Variants in RBFOX1 observed in about 807,000 individuals in gnomAD.
RBFOX1 encodes the protein RNA binding fox-1 homolog 1, also known as RNA binding protein fox-1 homolog 1.
A neutral mutation model predicts 57.7 loss-of-function variants in RBFOX1; 8 were observed. The ratio of observed to expected loss-of-function variants is 0.14; its 90% CI spans 0.08 to 0.25. The LOEUF is 0.25. Ranked by LOEUF, RBFOX1 falls within the 10% of genes least tolerant of loss-of-function variation. RBFOX1 has a pLI of 1.00. For synonymous variants in RBFOX1, 326 were observed against 222.4 expected (o/e 1.47, Z -4.15); for missense variants, 611 against 548.5 (o/e 1.11, Z -1.14).
intron 2 of RBFOX1, among the ~76,000 whole-genome samples, chr16:6,449,163 G>A (rs964799245): frequency 6.6e-6 from 1 of 152,168 alleles, no homozygotes; most frequent in African/African-American, 2.4e-5. Flanking sequence ...AGAGAGGAAT[G>A]GAGACTTTGG....
intron 3 of RBFOX1, among the ~76,000 whole-genome samples, chr16:5,758,064 C>G (rs1442443708): frequency 6.6e-6 from 1 of 152,100 alleles, no homozygotes; most frequent in Non-Finnish European, 1.5e-5. Flanking sequence ...CTGACGGGAC[C>G]CAAGTTGGGT....
At chr16:7,543,732 ATATT>A (rs1274502658) in intron 5 of RBFOX1, among the ~76,000 whole-genome samples, 1 of 145,998 alleles carries the variant, frequency 6.8e-6, no homozygotes, top group East Asian at 2.0e-4. Context: ...TATTTTTTAT[ATATT>A]TATTTTTTTC....
chr16:6,036,359 G>T lies in RBFOX1; in HGVS notation c.-127+16367G>T, dbSNP rs535088329. ...TCAGAGTTGAAAATGCTTTTAGGTG[G>T]CATCATAGAACCATCCATTCTAGCA... On this transcript the variant is annotated intron_variant, in intron 1 of 15. Transcript: ENST00000550418. Among the ~76,000 whole-genome samples, 29 of 152,158 alleles carry T rather than the reference G, an allele frequency of 1.9e-4. 2 individuals carry two copies. In the South Asian group the frequency reaches 5.8e-3, roughly 30 times the overall value.
intron 1 of RBFOX1, among the ~76,000 whole-genome samples, chr16:6,219,615 T>C (rs1313935225): frequency 1.3e-5 from 2 of 150,930 alleles, no homozygotes; most frequent in Admixed American, 1.3e-4. Context: ...TGGCTCATGC[T>C]TGTAATCCCA....
chr16:7,330,658 C>G (rs1291838111), intron 4 of RBFOX1, among the ~76,000 whole-genome samples: 1 of 151,932 alleles, frequency 6.6e-6, no homozygotes, highest in Non-Finnish European at 1.5e-5. Context: ...ATATAGTTAC[C>G]TCTCTTCTAT....
intron 3 of RBFOX1, among the ~76,000 whole-genome samples, chr16:5,614,670 A>AT (rs1307507731): frequency 6.6e-6 from 1 of 152,110 alleles, no homozygotes; most frequent in Admixed American, 6.5e-5. Flanking sequence ...AGTTGTCAAC[A>AT]TTCCACCCCT....
chr16:5,789,170 C>T (rs1319284860), intron 3 of RBFOX1, among the ~76,000 whole-genome samples: 1 of 152,168 alleles, frequency 6.6e-6, no homozygotes, highest in Non-Finnish European at 1.5e-5. Flanking sequence ...TAATTAAATA[C>T]ATGGCAGCTG....
At chr16:7,247,346 C>T (rs1327676531) in intron 4 of RBFOX1, among the ~76,000 whole-genome samples, 1 of 152,168 alleles carries the variant, frequency 6.6e-6, no homozygotes, top group African/African-American at 2.4e-5. Flanking sequence ...GGGACACTCA[C>T]AGCCAACGGG....
At chr16:7,176,734 C>T (rs1265613268) in intron 4 of RBFOX1, among the ~76,000 whole-genome samples, 1 of 151,990 alleles carries the variant, frequency 6.6e-6, no homozygotes, top group South Asian at 2.1e-4. Context: ...GGTGATATTC[C>T]TACTTTTATT....
At chr16:6,563,270 T>G (rs2097208853) in intron 2 of RBFOX1, among the ~76,000 whole-genome samples, 5 of 152,186 alleles carry the variant, frequency 3.3e-5, no homozygotes, top group Admixed American at 3.3e-4. Context: ...AGAAGCATTG[T>G]CTGTTGACAT....
chr16:6,654,546 C>G (rs1200592913), intron 2 of RBFOX1, 57 bp from the exon 3 acceptor site: 17 of 1,356,106 alleles, frequency 1.3e-5, no homozygotes, highest in Non-Finnish European at 1.7e-5. Flanking sequence ...TGTTCTCTGA[C>G]CATAAGTCTG....
At chr16:7,654,051 C>T in intron 12 of RBFOX1, 104 bp downstream of exon 12, 2 of 1,256,194 alleles carry the variant, frequency 1.6e-6, no homozygotes, top group African/African-American at 1.5e-5. Context: ...CCCCCTCCGC[C>T]ACCCCCAGAA....
At chr16:6,229,463 C>T (rs898260219) in intron 1 of RBFOX1, among the ~76,000 whole-genome samples, 4 of 152,040 alleles carry the variant, frequency 2.6e-5, no homozygotes, top group Non-Finnish European at 4.4e-5. Flanking sequence ...AATCAAGAAC[C>T]GGCAAAGCCC....
At chr16:6,925,678 A>G (rs186096889) in intron 3 of RBFOX1, among the ~76,000 whole-genome samples, 9 of 152,188 alleles carry the variant, frequency 5.9e-5, no homozygotes, top group Non-Finnish European at 1.2e-4. Context: ...ATGCGTTAAC[A>G]GCTTGATATT....
chr16:5,760,070 A>G (rs1322591979), intron 3 of RBFOX1, among the ~76,000 whole-genome samples: 3 of 152,142 alleles, frequency 2.0e-5, no homozygotes, highest in East Asian at 3.9e-4. Flanking sequence ...GATCTAGTAA[A>G]TAGCAGGAAA....
intron 4 of RBFOX1, among the ~76,000 whole-genome samples, chr16:5,873,506 C>T (rs1305657007): frequency 6.6e-6 from 1 of 152,182 alleles, no homozygotes; most frequent in Non-Finnish European, 1.5e-5. Flanking sequence ...GGTCTTAATT[C>T]AAGAGTCCAG....
At chr16:5,988,332 T>G (rs890549540) in intron 4 of RBFOX1, among the ~76,000 whole-genome samples, 1 of 152,174 alleles carries the variant, frequency 6.6e-6, no homozygotes, top group Non-Finnish European at 1.5e-5. Context: ...ATAAATGCAA[T>G]AAGGAGTTGG....
chr16:5,767,937 C>G lies in RBFOX1; in HGVS notation c.319-99366C>G, dbSNP rs559219909. ...ACTTAGTGAAGTCCCATTACTTTCTCTCTGCAGACAAAAAAAATGTATATA... is the reference window on the plus strand; with the variant it reads ...ACTTAGTGAAGTCCCATTACTTTCTGTCTGCAGACAAAAAAAATGTATATA... On this transcript the variant is annotated intron_variant, in intron 3 of 19. Coordinates refer to the RBFOX1 transcript ENST00000641259. Among the ~76,000 whole-genome samples the G allele has an allele frequency of 7.0e-4, 103 of 147,640 alleles. 1 individual carries two copies. Among genetic ancestry groups the G allele is most frequent in the African/African-American group, 2.4e-3 (93 of 38,228 alleles).
chr16:5,331,509 G>A (rs1329827423), intron 1 of RBFOX1, among the ~76,000 whole-genome samples: 1 of 152,232 alleles, frequency 6.6e-6, no homozygotes, highest in Non-Finnish European at 1.5e-5. Flanking sequence ...GAACTAGTGG[G>A]CTAGCCCAGG....
Sources: gnomAD v4.1 joint callset for allele counts (sites outside exome capture counted in the v4.1 genomes callset) on GRCh38, gnomAD v4.1.1 for gene constraint, MANE v1.5 for transcripts, NCBI Gene and HGNC (gene_info 2026-07-23, HGNC 2026-07-21) for gene names.